PLA2G2A: variants seen among roughly 807,000 people sequenced by gnomAD.
The protein encoded by PLA2G2A is phospholipase A2, membrane associated.
Under a neutral mutation model 11.2 loss-of-function variants are expected in PLA2G2A, and 6 were observed. That is an observed-to-expected ratio of 0.54 (90% CI 0.29 to 1.06). PLA2G2A has a LOEUF of 1.06. Among genes scored for constraint, PLA2G2A ranks in the 50% least tolerant of loss-of-function variants. The probability of loss-of-function intolerance (pLI) is 0.08; values close to 1 mark genes in which losing one functional copy is unlikely to be tolerated. For missense variants in PLA2G2A, 133 were observed against 177.1 expected, an observed-to-expected ratio of 0.75 and a Z score of 1.41; for synonymous variants, 69 against 65.8, an observed-to-expected ratio of 1.05 and a Z score of -0.23.
At chr1:19,978,077 C>T (rs577489367) in exon 4 of PLA2G2A, 11 of 1,614,040 alleles carry the variant, frequency 6.8e-6, no homozygotes, top group Non-Finnish European at 8.5e-6. Context: ...GCCACATCCA[C>T]GTTTCTCCAG....
chr1:19,975,764 G>A, exon 5 of PLA2G2A: 1 of 1,613,432 alleles, frequency 6.2e-7, no homozygotes, highest in Non-Finnish European at 8.5e-7. Flanking sequence ...TTTTATTGTA[G>A]GTCGTCTTGT....
chr1:19,979,007 C>T, intron 1 of PLA2G2A, 128 bp from the exon 2 acceptor site: 1 of 517,082 alleles, frequency 1.9e-6, no homozygotes, highest in African/African-American at 2.0e-5. Flanking sequence ...ACACAACCAC[C>T]TCCTGACCCG....
At chr1:19,977,419 C>A (rs1445442582) in intron 4 of PLA2G2A, among the ~76,000 whole-genome samples, 1 of 152,230 alleles carries the variant, frequency 6.6e-6, no homozygotes, top group Non-Finnish European at 1.5e-5. Flanking sequence ...GTTACTCCCT[C>A]TTGCCTGCAT....
upstream of PLA2G2A, among the ~76,000 whole-genome samples, chr1:19,980,040 TAGA>T (rs1435035297): frequency 6.6e-6 from 1 of 152,164 alleles, no homozygotes; most frequent in Non-Finnish European, 1.5e-5. Context: ...CATTTGGGAA[TAGA>T]AAAGAGGGCT....
Position 19,978,732 on chromosome 1 carries a change from A to T in PLA2G2A, c.40+2T>A. 4 of 1,614,074 alleles carry T rather than the reference A, an allele frequency of 2.5e-6. No individual in the cohort carries two copies. Among genetic ancestry groups the T allele is most frequent in the Non-Finnish European group, 3.4e-6 (4 of 1,179,996 alleles). Reference sequence around the variant, plus strand: ...TGCTCAGAGGTCAGGGTCAGCTCTTACCAAAGATCATGATCACTGCCAACA... The same window carrying T: ...TGCTCAGAGGTCAGGGTCAGCTCTTTCCAAAGATCATGATCACTGCCAACA... On this transcript the variant is annotated splice_donor_variant, in intron 2 of 4. Transcript: ENST00000482011. LOFTEE classifies it high-confidence loss of function.
intron 2 of PLA2G2A, 59 bp downstream of exon 2, chr1:19,978,675 A>T: frequency 6.2e-7 from 1 of 1,600,990 alleles, no homozygotes; most frequent in Non-Finnish European, 8.6e-7. Context: ...ACTAAGGGAC[A>T]AGAGTGCTTC....
exon 2 of PLA2G2A, chr1:19,978,850 C>T: frequency 1.5e-6 from 2 of 1,352,354 alleles, no homozygotes; most frequent in Non-Finnish European, 2.1e-6. Context: ...TCTGCCCCGG[C>T]CGTCGCTCCC....
At chr1:19,976,268 T>C (rs2046218054) in intron 4 of PLA2G2A, among the ~76,000 whole-genome samples, 1 of 152,178 alleles carries the variant, frequency 6.6e-6, no homozygotes, top group African/African-American at 2.4e-5. Context: ...GGAAGTCTGC[T>C]GGGGGCTTCT....
chr1:19,975,723 C>T (rs1557701713), exon 5 of PLA2G2A: 14 of 1,613,966 alleles, frequency 8.7e-6, no homozygotes, highest in South Asian at 1.1e-5. Flanking sequence ...GGTGCTCCCT[C>T]TGCAGTGTTT....
chr1:19,978,975 A>G (rs1219472860), intron 1 of PLA2G2A, 96 bp from the exon 2 acceptor site: 11 of 32,196 alleles, frequency 3.4e-4, no homozygotes, highest in African/African-American at 1.5e-3. Context: ...CCAGCAATGC[A>G]CACACACACA....
chr1:19,975,896 C>T (rs2046213679), intron 4 of PLA2G2A, 53 bp from the exon 5 acceptor site: 5 of 1,538,920 alleles, frequency 3.2e-6, no homozygotes, highest in East Asian at 2.3e-5. Context: ...TATTCAGTGG[C>T]TTCTTGTGGG....
rs3061293 is a variant in PLA2G2A, at chr1:19,978,973, G to GCACACA, written c.-106-100_-106-95dup. On this transcript the variant is annotated intron_variant, in intron 1 of 4. Coordinates refer to ENST00000482011, the Ensembl canonical transcript of PLA2G2A. ...CACACAAGGAGTGCCCTCCAGCAAT[G>GCACACA]CACACACACACACACACACACACAC... 3.2e-3 allele frequency: 1,860 copies of GCACACA among 573,208 alleles called. 21 individuals are homozygous for GCACACA. The highest frequency in any genetic ancestry group is 0.029 in the African/African-American group (1,525 of 52,536). 35.5% of individuals were successfully genotyped at this position (573,208 alleles called of 1,614,324 possible).
At position 19,978,765 on chromosome 1, in the gene PLA2G2A, G is replaced by C. The variant is rs1248403547; in HGVS notation, c.9C>G (p.Thr3=). Residue 3 remains threonine, a synonymous_variant, in exon 2 of 5, where the codon ACC becomes ACG. Transcript: ENST00000482011. ...TCATGATCACTGCCAACAGTAGGAGGGTCTTCATGGTAAGAGTTCTTGGGT... is the reference window on the plus strand; with the variant it reads ...TCATGATCACTGCCAACAGTAGGAGCGTCTTCATGGTAAGAGTTCTTGGGT... 5.0e-6 allele frequency: 8 copies of C among 1,614,116 alleles called. No individual in the cohort carries two copies. The Middle Eastern group carries it at 4.9e-4, about 100-fold the overall frequency.
At chr1:19,979,751 C>T (rs2046276423), upstream of PLA2G2A, 1 of 152,352 alleles carries the variant, frequency 6.6e-6, no homozygotes. Context: ...CCTAGGTAAT[C>T]CCTTTCCTTC....
intron 4 of PLA2G2A, among the ~76,000 whole-genome samples, chr1:19,977,291 C>A (rs1036695084): frequency 2.0e-5 from 3 of 152,188 alleles, no homozygotes; most frequent in Admixed American, 2.0e-4. Flanking sequence ...ATCCATCCAA[C>A]AACTCCCTCT....
downstream of PLA2G2A, chr1:19,975,563 T>C (rs1483427285): frequency 3.8e-6 from 3 of 790,814 alleles, no homozygotes; most frequent in East Asian, 4.9e-5. Flanking sequence ...TGGGTGGGTA[T>C]AGAAGGGCTC....
exon 3 of PLA2G2A, chr1:19,978,472 C>T (rs2236770): frequency 6.2e-7 from 1 of 1,613,928 alleles, no homozygotes; most frequent in Non-Finnish European, 8.5e-7. Context: ...TTCCTGTCGT[C>T]AACTTGATCA....
chr1:19,976,524 T>C lies in PLA2G2A; in HGVS notation c.293-681A>G, dbSNP rs544318332. 2.0e-5 allele frequency among the ~76,000 whole-genome samples: 3 copies of C among 152,268 alleles called. No homozygotes were observed. The East Asian group carries it at 5.8e-4, about 29-fold the overall frequency. On this transcript the variant is annotated intron_variant, in intron 4 of 4. Coordinates refer to ENST00000482011, the Ensembl canonical transcript of PLA2G2A. Reference sequence around the variant, plus strand: ...TTATGCGACAGTCACATATCCCCATTATGCAAGCCACTGTCAGCTTGGCAT... The same window carrying C: ...TTATGCGACAGTCACATATCCCCATCATGCAAGCCACTGTCAGCTTGGCAT...
chr1:19,978,622 T>C, intron 2 of PLA2G2A, 98 bp from the exon 3 acceptor site: 1 of 1,599,910 alleles, frequency 6.3e-7, no homozygotes, highest in Non-Finnish European at 8.6e-7. Flanking sequence ...CCAAATGGCT[T>C]CTTTTTTCCC....
Sources: gnomAD v4.1 joint callset for allele counts (sites outside exome capture counted in the v4.1 genomes callset) on GRCh38, gnomAD v4.1.1 for gene constraint, MANE v1.5 for transcripts, NCBI Gene and HGNC (gene_info 2026-07-23, HGNC 2026-07-21) for gene names.